Variants in GRIK4 observed in about 807,000 individuals in gnomAD.
GRIK4 encodes the protein glutamate ionotropic receptor kainate type subunit 4, also known as glutamate receptor ionotropic, kainate 4.
Under a neutral mutation model 104.9 loss-of-function variants are expected in GRIK4, and 40 were observed. The observed-to-expected ratio is 0.38, with a 90% confidence interval of 0.30 to 0.50. The LOEUF (loss-of-function observed/expected upper bound fraction) is 0.50, where lower values mean the gene tolerates loss of function less well. GRIK4 is among the 20% of genes least tolerant of loss of function. The pLI is 0.93. For missense variants in GRIK4, 1,047 were observed against 1,308.1 expected (o/e 0.80, Z 3.08); for synonymous variants, 485 against 524.9 (o/e 0.92, Z 1.04).
At chr11:120,568,134 C>T (rs1948353610) in intron 1 of GRIK4, among the ~76,000 whole-genome samples, 1 of 152,130 alleles carries the variant, frequency 6.6e-6, no homozygotes, top group Admixed American at 6.6e-5. Context: ...GCTATTATTG[C>T]ACCACTGTAC....
chr11:120,681,290 A>T (rs556452977), intron 3 of GRIK4, among the ~76,000 whole-genome samples: 1 of 152,156 alleles, frequency 6.6e-6, no homozygotes, highest in East Asian at 1.9e-4. Context: ...GAGTGGGGTG[A>T]GTCCTGGGCT....
At chr11:120,949,120 T>C (rs991858294) in intron 14 of GRIK4, among the ~76,000 whole-genome samples, 4 of 152,154 alleles carry the variant, frequency 2.6e-5, no homozygotes, top group Non-Finnish European at 5.9e-5. Context: ...CCAGTATATA[T>C]AGAGTGAAGT....
chr11:120,756,167 G>A (rs565186382), intron 3 of GRIK4, among the ~76,000 whole-genome samples: 25 of 152,308 alleles, frequency 1.6e-4, no homozygotes, highest in Non-Finnish European at 3.2e-4. Flanking sequence ...CTGTTGCAAC[G>A]TTGGTTTCTC....
intron 1 of GRIK4, among the ~76,000 whole-genome samples, chr11:120,605,053 C>G (rs1291768475): frequency 1.3e-5 from 2 of 152,188 alleles, no homozygotes; most frequent in Non-Finnish European, 2.9e-5. Flanking sequence ...CCAGGCTGGT[C>G]TTGAACTCCT....
At chr11:120,820,808 C>T (rs1001659420) in intron 6 of GRIK4, among the ~76,000 whole-genome samples, 1 of 152,340 alleles carries the variant, frequency 6.6e-6, no homozygotes, top group African/African-American at 2.4e-5. Flanking sequence ...GGAATCCCCA[C>T]AGTCTCCAAA....
In GRIK4 at chr11:120,815,372, C is replaced by T; in HGVS notation, c.248-6C>T. 2 of 1,519,522 alleles carry T rather than the reference C, an allele frequency of 1.3e-6. No homozygotes were observed. The highest frequency in any genetic ancestry group is 2.5e-5 in the East Asian group (1 of 40,604). 94.1% of individuals were successfully genotyped at this position (1,519,522 alleles called of 1,614,324 possible). A position where few individuals can be genotyped will look rare whatever the true frequency, so the allele number is the denominator to read the frequency against. The stretch of plus-strand genomic sequence containing the variant: ...CTTCTTTCCCTGTCCCTGCCGCTGG[C>T]TGCAGTGTGTCAGATCCTCCCCAAG... On this transcript the variant is annotated splice_polypyrimidine_tract_variant and splice_region_variant and intron_variant, in intron 4 of 20. Transcript: ENST00000527524.
intron 3 of GRIK4, among the ~76,000 whole-genome samples, chr11:120,798,743 A>G (rs1419589666): frequency 2.0e-5 from 3 of 152,118 alleles, no homozygotes; most frequent in African/African-American, 7.2e-5. Context: ...CGGCCTCCCA[A>G]AGTTCTGGGA....
intron 1 of GRIK4, among the ~76,000 whole-genome samples, chr11:120,560,638 C>T (rs1309605186): frequency 6.6e-6 from 1 of 152,238 alleles, no homozygotes; most frequent in Admixed American, 6.5e-5. Context: ...GTTCTAATTT[C>T]AGCTCCTCCA....
intron 18 of GRIK4, among the ~76,000 whole-genome samples, chr11:120,963,532 G>A (rs1372432934): frequency 2.0e-5 from 3 of 152,212 alleles, no homozygotes; most frequent in Non-Finnish European, 4.4e-5. Flanking sequence ...GCTGTAGAGG[G>A]TTGTGCTGGT....
At chr11:120,666,397 G>A (rs141659287) in intron 3 of GRIK4, among the ~76,000 whole-genome samples, 265 of 152,326 alleles carry the variant, frequency 1.7e-3, no homozygotes, top group African/African-American at 6.0e-3. Context: ...GTGTGTTCTC[G>A]ATGAGTGAGA....
rs530106769 is a variant in GRIK4 at position 120,790,914 on chromosome 11, G to A, written c.83-11779G>A. ...AACTGGTGCTATGAAGTGAAACTGG[G>A]AAGCCAGAAAGAGCCCCCAATTCAA... On this transcript the variant is annotated intron_variant, in intron 3 of 20. Coordinates refer to ENST00000527524, the MANE Select transcript of GRIK4 (RefSeq NM_014619.5). Among the ~76,000 whole-genome samples, 6 of 152,302 alleles carry A rather than the reference G, an allele frequency of 3.9e-5. No homozygotes were observed. The East Asian group carries it at 1.2e-3, about 29-fold the overall frequency.
intron 3 of GRIK4, among the ~76,000 whole-genome samples, chr11:120,697,919 G>A (rs1950481330): frequency 6.6e-6 from 1 of 152,102 alleles, no homozygotes; most frequent in Non-Finnish European, 1.5e-5. Flanking sequence ...TCACATCACT[G>A]ATGCACTGCT....
intron 3 of GRIK4, among the ~76,000 whole-genome samples, chr11:120,682,177 G>T (rs908751416): frequency 1.3e-5 from 2 of 152,200 alleles, no homozygotes; most frequent in African/African-American, 4.8e-5. Context: ...GAAGGAAGTC[G>T]AATTGAAATG....
At position 120,956,980 on chromosome 11, in the gene GRIK4, G is replaced by C; in HGVS notation, c.1874+27G>C. On this transcript the variant is annotated intron_variant, in intron 16 of 20. Coordinates refer to ENST00000527524, the MANE Select transcript of GRIK4 (RefSeq NM_014619.5). This position sits in a 1 kb window ranked among gnomAD's most constrained non-coding sequence, Gnocchi z 4.6. Reference sequence around the variant, plus strand: ...TAAGGCCCCAGGCAGAGGTGAACCAGGCCAGGTGGGGTGGGGACACAAAAG... The same window carrying C: ...TAAGGCCCCAGGCAGAGGTGAACCACGCCAGGTGGGGTGGGGACACAAAAG... The C allele has an allele frequency of 6.5e-7, 1 of 1,548,600 alleles. No homozygotes were observed. Among genetic ancestry groups the C allele is most frequent in the Non-Finnish European group, 8.7e-7 (1 of 1,145,326 alleles).
At chr11:120,588,435 A>G (rs1397344502) in intron 1 of GRIK4, among the ~76,000 whole-genome samples, 1 of 152,016 alleles carries the variant, frequency 6.6e-6, no homozygotes, top group South Asian at 2.1e-4. Flanking sequence ...TATGGTCTCA[A>G]TGGGATGGGG....
intron 3 of GRIK4, among the ~76,000 whole-genome samples, chr11:120,770,403 C>A (rs1392299842): frequency 1.3e-5 from 2 of 152,198 alleles, no homozygotes. Context: ...TCTAAAAACA[C>A]GTTACCTCTT....
rs561893438 is a variant in GRIK4 at position 120,645,583 on chromosome 11, CAGAA to C, written c.-158-8100_-158-8097del. ...GATCACCCGGATGGGACTTCAATGC[CAGAA>C]ATCCTTGGCATCCACGTGGACATGG... On this transcript the variant is annotated intron_variant, in intron 1 of 20. Coordinates refer to ENST00000527524, the MANE Select transcript of GRIK4 (RefSeq NM_014619.5). Among the ~76,000 whole-genome samples, 20 of 152,312 alleles carry C rather than the reference CAGAA, an allele frequency of 1.3e-4. No homozygotes were observed. In the East Asian group the frequency reaches 3.9e-3, roughly 29 times the overall value.
chr11:120,768,371 G>T (rs894820904), intron 3 of GRIK4, among the ~76,000 whole-genome samples: 2 of 151,932 alleles, frequency 1.3e-5, no homozygotes, highest in African/African-American at 4.8e-5. Context: ...TTTGTACATA[G>T]AAATGCCGCT....
intron 13 of GRIK4, among the ~76,000 whole-genome samples, chr11:120,909,775 T>C (rs1465025173): frequency 2.6e-5 from 4 of 152,184 alleles, no homozygotes; most frequent in Non-Finnish European, 5.9e-5. Flanking sequence ...CTGAGTGATA[T>C]GAATTAAAGT....
Sources: gnomAD v4.1 joint callset for allele counts (sites outside exome capture counted in the v4.1 genomes callset) on GRCh38, gnomAD v4.1.1 for gene constraint, Gnocchi (gnomAD v3.1) non-coding constraint, MANE v1.5 for transcripts, NCBI Gene and HGNC (gene_info 2026-07-23, HGNC 2026-07-21) for gene names.